COL4A2: variants seen among roughly 807,000 people sequenced by gnomAD.
The protein encoded by COL4A2 is collagen alpha-2(IV) chain.
Under a neutral mutation model 200.2 loss-of-function variants are expected in COL4A2, and 99 were observed. The ratio of observed to expected loss-of-function variants is 0.49; its 90% CI spans 0.42 to 0.58. The LOEUF is 0.58. COL4A2 is among the 20% of genes least tolerant of loss of function. The pLI is 0.00. For synonymous variants in COL4A2, 897 were observed against 900.6 expected (o/e 1.00, Z 0.07); for missense variants, 1,950 against 2,314.1 (o/e 0.84, Z 3.23).
chr13:110,423,840 C>T (rs541386003), intron 4 of COL4A2, among the ~76,000 whole-genome samples: 1 of 152,320 alleles, frequency 6.6e-6, no homozygotes, highest in East Asian at 1.9e-4. Context: ...GTGACTGGCT[C>T]ATTTCACTCA....
intron 4 of COL4A2, among the ~76,000 whole-genome samples, chr13:110,412,854 G>A (rs1378926890): frequency 6.6e-6 from 1 of 152,204 alleles, no homozygotes. Flanking sequence ...GGCCTCACTG[G>A]CCCAGCCCTC....
intron 28 of COL4A2, among the ~76,000 whole-genome samples, chr13:110,471,949 C>T (rs191469958): frequency 3.4e-4 from 51 of 152,154 alleles, no homozygotes; most frequent in African/African-American, 7.7e-4. Flanking sequence ...CTGAGCACTG[C>T]GTGACTGTCA....
In COL4A2 at chr13:110,485,716, C is replaced by T. The variant is rs201630262; in HGVS notation, c.3087C>T (p.Pro1029=). 666 of 1,613,614 alleles carry T rather than the reference C, an allele frequency of 4.1e-4. 1 individual carries two copies. The highest frequency in any genetic ancestry group is 5.3e-4 in the Non-Finnish European group (629 of 1,179,894). The part of the protein sequence containing the change: ...LSGIPGLPGR[P]GHIKGVKGDI... ...GAATCCCTGGGCTGCCTGGGAGGCCCGGCCACATCAAAGGAGTCAAGGGAG... is the reference window on the plus strand; with the variant it reads ...GAATCCCTGGGCTGCCTGGGAGGCCTGGCCACATCAAAGGAGTCAAGGGAG... Residue 1029 remains proline, a synonymous_variant, in exon 34 of 48, where the codon CCC becomes CCT. Transcript: ENST00000360467.
At chr13:110,346,505 C>T (rs1454141182) in intron 3 of COL4A2, among the ~76,000 whole-genome samples, 4 of 152,198 alleles carry the variant, frequency 2.6e-5, no homozygotes, top group Non-Finnish European at 5.9e-5. Flanking sequence ...CATTCGAAGA[C>T]AGGCAAGGAA....
intron 21 of COL4A2, chr13:110,457,835 CT>C: frequency 2.2e-6 from 1 of 464,928 alleles, no homozygotes; most frequent in South Asian, 1.6e-5. Context: ...TAGCAAGGTG[CT>C]GGTATAGTCA....
chr13:110,376,680 G>T (rs1878249506), intron 4 of COL4A2, among the ~76,000 whole-genome samples: 1 of 152,222 alleles, frequency 6.6e-6, no homozygotes, highest in African/African-American at 2.4e-5. Flanking sequence ...ACAGATGCTA[G>T]TTCTGCAGGC....
intron 40 of COL4A2, among the ~76,000 whole-genome samples, chr13:110,500,137 G>A (rs951976389): frequency 2.0e-5 from 3 of 152,198 alleles, no homozygotes; most frequent in Admixed American, 6.5e-5. Context: ...ATGGATACCA[G>A]GATCTTCCAA....
At chr13:110,401,729 A>G (rs1594193022) in intron 4 of COL4A2, among the ~76,000 whole-genome samples, 1 of 152,214 alleles carries the variant, frequency 6.6e-6, no homozygotes, top group Non-Finnish European at 1.5e-5. Flanking sequence ...TTGGGCTATT[A>G]TAACAAAAAT....
intron 4 of COL4A2, among the ~76,000 whole-genome samples, chr13:110,370,754 C>G (rs9559782): frequency 6.6e-6 from 1 of 152,030 alleles, no homozygotes; most frequent in South Asian, 2.1e-4. Context: ...TTCCTCTCTC[C>G]CTCTCTCCTA....
intron 6 of COL4A2, among the ~76,000 whole-genome samples, chr13:110,427,342 G>A (rs1251372611): frequency 1.3e-5 from 2 of 152,100 alleles, no homozygotes; most frequent in African/African-American, 2.4e-5. Context: ...TAGAGACAGG[G>A]TTTCACCATG....
At chr13:110,472,326 A>G (rs540522530) in intron 28 of COL4A2, among the ~76,000 whole-genome samples, 10 of 152,154 alleles carry the variant, frequency 6.6e-5, no homozygotes, top group East Asian at 3.9e-4. Context: ...CGTGTTAGCC[A>G]GGATGGTCTC....
intron 36 of COL4A2, among the ~76,000 whole-genome samples, chr13:110,490,297 T>C (rs1477378389): frequency 6.6e-6 from 1 of 152,228 alleles, no homozygotes; most frequent in African/African-American, 2.4e-5. Flanking sequence ...GAGGTTCCAC[T>C]CCTAAATTCC....
intron 26 of COL4A2, among the ~76,000 whole-genome samples, chr13:110,466,316 C>T (rs951304873): frequency 1.3e-5 from 2 of 152,188 alleles, no homozygotes; most frequent in African/African-American, 4.8e-5. Context: ...CAGTGCATTC[C>T]AACTCAGCTC....
At position 110,458,791 on chromosome 13, in the gene COL4A2, T is replaced by C. The variant is rs369804330; in HGVS notation, c.1453T>C (p.Cys485Arg). Residue 485 changes from cysteine (C) to arginine (R), a missense_variant, in exon 22 of 48, where the codon TGT (cysteine) becomes CGT (arginine). Coordinates refer to ENST00000360467, the MANE Select transcript of COL4A2 (RefSeq NM_001846.4). ...TGCAGGTGACGCTGGGGAATGCAGATGTACAGAAGGCGACGAAGCTATCAA... is the reference window on the plus strand; with the variant it reads ...TGCAGGTGACGCTGGGGAATGCAGACGTACAGAAGGCGACGAAGCTATCAA... ...GWKGDAGECR[C>R]TEGDEAIKGL... 1.2e-5 allele frequency: 19 copies of C among 1,613,886 alleles called. No homozygotes were observed. Among genetic ancestry groups the C allele is most frequent in the Admixed American group, 1.0e-4 (6 of 59,992 alleles).
chr13:110,483,954 T>G (rs1883023335), intron 32 of COL4A2, among the ~76,000 whole-genome samples: 1 of 152,216 alleles, frequency 6.6e-6, no homozygotes. Context: ...AAACCTTAAT[T>G]ACTCTTCAGA....
At chr13:110,449,410 CA>C in intron 18 of COL4A2, among the ~76,000 whole-genome samples, 1 of 152,262 alleles carries the variant, frequency 6.6e-6, no homozygotes, top group African/African-American at 2.4e-5. Context: ...AGGCCACCAG[CA>C]GAATTGGCAA....
intron 4 of COL4A2, among the ~76,000 whole-genome samples, chr13:110,379,005 G>C (rs9583488): frequency 6.6e-6 from 1 of 152,052 alleles, no homozygotes; most frequent in Non-Finnish European, 1.5e-5. Context: ...TTTGGGCCCC[G>C]TTTGTAGTCT....
intron 3 of COL4A2, among the ~76,000 whole-genome samples, chr13:110,348,189 G>A (rs1876797854): frequency 6.6e-6 from 1 of 152,248 alleles, no homozygotes; most frequent in Non-Finnish European, 1.5e-5. Context: ...GCACTCACTG[G>A]CATTCCAGAA....
At chr13:110,457,951 C>T in intron 21 of COL4A2, 1 of 390,010 alleles carries the variant, frequency 2.6e-6, no homozygotes, top group Non-Finnish European at 5.2e-6. Flanking sequence ...TTGCACCTGA[C>T]CCTTTCCAGT....
Sources: gnomAD v4.1 joint callset for allele counts (sites outside exome capture counted in the v4.1 genomes callset) on GRCh38, gnomAD v4.1.1 for gene constraint, MANE v1.5 for transcripts, NCBI Gene and HGNC (gene_info 2026-07-23, HGNC 2026-07-21) for gene names.